Variants in PIWIL3 observed in about 807,000 individuals in gnomAD.
PIWIL3 encodes piwi-like protein 3.
PIWIL3 carries 101 observed loss-of-function variants against 109.7 expected under a neutral mutation model. The ratio of observed to expected loss-of-function variants is 0.92; its 90% CI spans 0.78 to 1.09. The LOEUF (loss-of-function observed/expected upper bound fraction) is 1.09. PIWIL3 is among the 50% of genes least tolerant of loss of function. The pLI, the probability that PIWIL3 is intolerant of heterozygous loss-of-function variation, is 0.00. For missense variants in PIWIL3, 1,031 were observed against 1,072.6 expected (o/e 0.96, Z 0.54); for synonymous variants, 373 against 376.4 (o/e 0.99, Z 0.10).
In PIWIL3 at chr22:24,741,242, C is replaced by T. The variant is rs62232186; in HGVS notation, c.1450-5350G>A. Among the ~76,000 whole-genome samples, 61 of 152,288 alleles carry T rather than the reference C, an allele frequency of 4.0e-4. No homozygotes were observed. The South Asian group carries it at 0.01, about 26-fold the overall frequency. ...TGATTAAAAACCTCATGGCCAGGCG[C>T]GGTGGCTCACACCTGTAATCCCAGC... is the stretch of plus-strand genomic sequence containing the variant. On this transcript the variant is annotated intron_variant, in intron 12 of 20. Coordinates refer to ENST00000616349, the MANE Select transcript of PIWIL3 (RefSeq NM_001255975.1).
intron 3 of PIWIL3, among the ~76,000 whole-genome samples, chr22:24,758,514 C>T (rs562923759): frequency 1.3e-5 from 2 of 152,332 alleles, no homozygotes; most frequent in East Asian, 1.9e-4. Context: ...AGGTTCATAT[C>T]GATGTAGCTA....
At chr22:24,722,191 C>T (rs1327367513) in intron 19 of PIWIL3, among the ~76,000 whole-genome samples, 1 of 152,118 alleles carries the variant, frequency 6.6e-6, no homozygotes, top group African/African-American at 2.4e-5. Flanking sequence ...CACACCGTTC[C>T]CCTGCCTCAG....
intron 14 of PIWIL3, among the ~76,000 whole-genome samples, chr22:24,731,806 A>G (rs1208127571): frequency 6.6e-6 from 1 of 152,192 alleles, no homozygotes; most frequent in African/African-American, 2.4e-5. Context: ...AACTCGTTAC[A>G]GAAATAAAAA....
At chr22:24,760,890 C>CA (rs1231700424) in intron 2 of PIWIL3, among the ~76,000 whole-genome samples, 2 of 149,866 alleles carry the variant, frequency 1.3e-5, no homozygotes, top group East Asian at 4.0e-4. Flanking sequence ...AAGGAAATAG[C>CA]AAGGGATGTG....
intron 2 of PIWIL3, 76 bp from the exon 3 acceptor site, chr22:24,760,065 G>A (rs1925329348): frequency 1.3e-6 from 2 of 1,572,664 alleles, no homozygotes; most frequent in African/African-American, 1.3e-5. Flanking sequence ...CACTCGCAGG[G>A]CACAAGGCAA....
chr22:24,721,688 A>G (rs1057454412), intron 19 of PIWIL3, among the ~76,000 whole-genome samples: 3 of 152,174 alleles, frequency 2.0e-5, no homozygotes, highest in East Asian at 1.9e-4. Flanking sequence ...GACTATATTC[A>G]TGTTTGTTAG....
Position 24,719,477 on chromosome 22 carries a change from G to A in PIWIL3, c.2617C>T (p.Leu873Phe). The change falls in exon 21 of 21, where the codon CTT becomes TTT. Residue 873 changes from leucine to phenylalanine, a missense_variant. Coordinates refer to ENST00000616349, the MANE Select transcript of PIWIL3 (RefSeq NM_001255975.1). ...ATCAGGTCTTCTTCTGCAGGTCAAA[G>A]GTAAAAGAGACGAGTTGACAAGGAA... is the stretch of plus-strand genomic sequence containing the variant. ...NRSLSTRLFY[L>F] 9 of 1,578,748 alleles carry A rather than the reference G, an allele frequency of 5.7e-6. No individual in the cohort carries two copies. The highest frequency in any genetic ancestry group is 7.7e-6 in the Non-Finnish European group (9 of 1,165,724).
chr22:24,728,992 G>A (rs1416629447), intron 14 of PIWIL3, among the ~76,000 whole-genome samples: 1 of 152,198 alleles, frequency 6.6e-6, no homozygotes, highest in Non-Finnish European at 1.5e-5. Context: ...GCACAGATAA[G>A]GGAGCAAGGC....
At chr22:24,726,860 C>A (rs539899576) in intron 16 of PIWIL3, among the ~76,000 whole-genome samples, 1 of 152,284 alleles carries the variant, frequency 6.6e-6, no homozygotes, top group African/African-American at 2.4e-5. Context: ...GGGCCACAAT[C>A]ATTATTAAAC....
intron 1 of PIWIL3, among the ~76,000 whole-genome samples, chr22:24,770,694 G>A (rs974165287): frequency 1.3e-5 from 2 of 151,088 alleles, no homozygotes; most frequent in African/African-American, 4.9e-5. Flanking sequence ...AATTAGCCGG[G>A]CATGGTGGCA....
intron 3 of PIWIL3, 44 bp downstream of exon 3, chr22:24,759,825 A>G (rs376122571): frequency 1.2e-6 from 2 of 1,612,996 alleles, no homozygotes; most frequent in African/African-American, 2.7e-5. Flanking sequence ...CCCTTCACAC[A>G]TGAAGCATCC....
At chr22:24,762,244 GCTGCCATC>G in intron 2 of PIWIL3, 146 bp downstream of exon 2, 1 of 1,289,360 alleles carries the variant, frequency 7.8e-7, no homozygotes, top group Non-Finnish European at 1.0e-6. Context: ...GCCTCCCCAT[GCTGCCATC>G]TATACAGCCT....
chr22:24,719,765 T>C lies in PIWIL3; in HGVS notation c.2488A>G (p.Met830Val). The stretch of plus-strand genomic sequence containing the variant: ...GTACTTACTGGCAAATTATAATACA[T>C]GTGGCATAGACAATATGTTAAACGC... ...VQRLTYCLCH[M>V]YYNLPGIIRV... Residue 830 changes from methionine (M) to valine (V), a missense_variant, in exon 20 of 21, where the codon ATG becomes GTG. Met to Val is a conservative substitution (Grantham distance 21). Transcript: ENST00000616349. 1 of 1,612,358 alleles carries C rather than the reference T, an allele frequency of 6.2e-7. No homozygotes were observed. Among genetic ancestry groups the C allele is most frequent in the African/African-American group, 1.3e-5 (1 of 75,000 alleles).
Position 24,719,888 on chromosome 22 carries a change from A to T in PIWIL3, c.2365T>A (p.Phe789Ile). 1.2e-6 allele frequency: 2 copies of T among 1,609,486 alleles called. No individual in the cohort carries two copies. The highest frequency in any genetic ancestry group is 1.7e-6 in the Non-Finnish European group (2 of 1,176,720). Residue 789 changes from phenylalanine to isoleucine, a missense_variant, in exon 20 of 21, where the codon TTT becomes ATT. Transcript: ENST00000616349. Reference protein sequence around the residue: ...VELTRNEWYDFFIVSQSVQDG... With the variant: ...VELTRNEWYDIFIVSQSVQDG... ...TGCACAGACTGACTCACAATAAAAA[A>T]GTCATACCTGGAAATATAGGACATG...
intron 12 of PIWIL3, among the ~76,000 whole-genome samples, chr22:24,739,846 C>T (rs964442453): frequency 2.6e-5 from 4 of 151,904 alleles, no homozygotes; most frequent in East Asian, 1.9e-4. Context: ...GTCAGGAGAT[C>T]GAGACCATCC....
chr22:24,760,082 T>G, intron 2 of PIWIL3, 93 bp from the exon 3 acceptor site: 1 of 1,513,310 alleles, frequency 6.6e-7, no homozygotes, highest in Non-Finnish European at 9.0e-7. Flanking sequence ...GCAAAGGAAC[T>G]TCCTCTGAAA....
chr22:24,744,054 A>G (rs1402484152), intron 12 of PIWIL3, among the ~76,000 whole-genome samples: 1 of 151,872 alleles, frequency 6.6e-6, no homozygotes, highest in African/African-American at 2.4e-5. Flanking sequence ...GGCAGGAAAG[A>G]AAGGAGGAAG....
chr22:24,755,751 G>T, intron 6 of PIWIL3, 33 bp downstream of exon 6: 1 of 1,612,286 alleles, frequency 6.2e-7, no homozygotes, highest in South Asian at 1.1e-5. Context: ...ACAACCGAAT[G>T]AGTATCAAAG....
chr22:24,732,837 C>A (rs1446419142), intron 14 of PIWIL3, among the ~76,000 whole-genome samples: 1 of 152,006 alleles, frequency 6.6e-6, no homozygotes, highest in Non-Finnish European at 1.5e-5. Context: ...AAAAGGTAAT[C>A]TTGAGCTTTT....
Sources: allele counts gnomAD v4.1 joint callset (sites outside exome capture counted in the v4.1 genomes callset), GRCh38; gene constraint gnomAD v4.1.1; transcripts MANE v1.5; gene names NCBI Gene and HGNC (gene_info 2026-07-23, HGNC 2026-07-21).